The following MOB4 variants were observed in gnomAD, a reference collection of about 807,000 sequenced individuals.
The protein encoded by MOB4 is MOB-like protein phocein.
In MOB4, 4 loss-of-function variants were observed where a neutral mutation model predicts 32.2. The observed-to-expected ratio is 0.12, with a 90% CI of 0.06 to 0.28. The LOEUF (loss-of-function observed/expected upper bound fraction) is 0.28. MOB4 is among the 10% of genes least tolerant of loss of function. The pLI, the probability that MOB4 is intolerant of heterozygous loss-of-function variation, is 1.00. For synonymous variants in MOB4, 88 were observed against 88.1 expected (o/e 1.00, Z 0.01); for missense variants, 158 against 271.2 (o/e 0.58, Z 2.93).
At chr2:197,537,671 C>G (rs890735803) in intron 3 of MOB4, among the ~76,000 whole-genome samples, 1 of 152,144 alleles carries the variant, frequency 6.6e-6, no homozygotes, top group East Asian at 1.9e-4. Flanking sequence ...ATTCAAAGTA[C>G]GAGTCTGTAG....
At chr2:197,531,058 T>A (rs1334338085) in intron 2 of MOB4, among the ~76,000 whole-genome samples, 2 of 151,076 alleles carry the variant, frequency 1.3e-5, no homozygotes, top group South Asian at 2.1e-4. Context: ...TTTTTATTTT[T>A]TTTTTTTGAG....
At chr2:197,516,454 C>G in intron 1 of MOB4, 1 of 1,188,012 alleles carries the variant, frequency 8.4e-7, no homozygotes, top group Non-Finnish European at 1.1e-6. Flanking sequence ...TCGCCTTGCC[C>G]CTGAGCCCCA....
chr2:197,531,071 A>T (rs1281761125), intron 2 of MOB4, among the ~76,000 whole-genome samples: 2 of 147,700 alleles, frequency 1.4e-5, no homozygotes, highest in African/African-American at 2.5e-5. Flanking sequence ...TTTTTGAGGC[A>T]GAGTCTCGCT....
At chr2:197,517,213 C>T (rs1291124583) in intron 1 of MOB4, among the ~76,000 whole-genome samples, 1 of 152,140 alleles carries the variant, frequency 6.6e-6, no homozygotes, top group Non-Finnish European at 1.5e-5. Context: ...GTGGATTTGC[C>T]CAAGGATACA....
chr2:197,551,035 G>A lies in MOB4; in HGVS notation c.*389G>A, dbSNP rs960312227. 1 of 152,866 alleles carries A rather than the reference G, an allele frequency of 6.5e-6. No homozygotes were observed. The highest frequency in any genetic ancestry group is 2.4e-5 in the African/African-American group (1 of 41,410). The allele number at this position is 152,866 out of a possible 1,614,324, so 9.5% of individuals were successfully genotyped here. A position where few individuals can be genotyped will look rare whatever the true frequency, so the allele number is the denominator to read the frequency against. ...TAAAGAGGTAGAAATGTTTTCTATTGGTTTTACCTTGAGTTTAGATATCCT... is the reference window on the plus strand; with the variant it reads ...TAAAGAGGTAGAAATGTTTTCTATTAGTTTTACCTTGAGTTTAGATATCCT... On this transcript the variant is annotated 3_prime_UTR_variant, in exon 8 of 8. Coordinates refer to ENST00000323303, the MANE Select transcript of MOB4 (RefSeq NM_015387.5).
At chr2:197,520,283 C>T (rs1205763835) in intron 1 of MOB4, among the ~76,000 whole-genome samples, 4 of 151,112 alleles carry the variant, frequency 2.6e-5, no homozygotes, top group African/African-American at 4.9e-5. Context: ...CCTGGGTTTG[C>T]GCCCACCACC....
intron 6 of MOB4, among the ~76,000 whole-genome samples, chr2:197,549,706 C>T (rs940639061): frequency 6.6e-6 from 1 of 151,918 alleles, no homozygotes; most frequent in East Asian, 1.9e-4. Context: ...CCTGCCACCA[C>T]GCCTGGCTGA....
chr2:197,519,423 A>C (rs1447022009), intron 1 of MOB4, among the ~76,000 whole-genome samples: 5 of 152,206 alleles, frequency 3.3e-5, no homozygotes, highest in African/African-American at 9.6e-5. Flanking sequence ...GAGGATGCTT[A>C]AGTTTCTTAA....
intron 2 of MOB4, among the ~76,000 whole-genome samples, chr2:197,530,033 G>A (rs566393255): frequency 2.7e-4 from 38 of 141,302 alleles, no homozygotes; most frequent in East Asian, 2.2e-4. Context: ...GCAGTGGCGC[G>A]ATCTCGCCTC....
intron 6 of MOB4, 81 bp from the exon 7 acceptor site, chr2:197,550,194 C>CT: frequency 7.5e-7 from 1 of 1,331,674 alleles, no homozygotes; most frequent in Non-Finnish European, 1.0e-6. Context: ...AGTTTCTACA[C>CT]TTGTAAGCGA....
At chr2:197,524,299 G>A (rs1373674507) in intron 2 of MOB4, among the ~76,000 whole-genome samples, 1 of 152,044 alleles carries the variant, frequency 6.6e-6, no homozygotes, top group Non-Finnish European at 1.5e-5. Flanking sequence ...TTGGGAAGCC[G>A]AGGCAGGTGG....
intron 3 of MOB4, among the ~76,000 whole-genome samples, chr2:197,536,040 A>G (rs1296891857): frequency 6.6e-6 from 1 of 151,292 alleles, no homozygotes; most frequent in African/African-American, 2.4e-5. Flanking sequence ...CTGGGACTAC[A>G]GGTGTGTGCC....
chr2:197,540,003 A>G, intron 3 of MOB4, 108 bp from the exon 4 acceptor site: 1 of 1,191,614 alleles, frequency 8.4e-7, no homozygotes, highest in East Asian at 2.6e-5. Context: ...GAGAATGGTA[A>G]TGAGGGAGGA....
At position 197,530,705 on chromosome 2, in the gene MOB4, A is replaced by G. The variant is rs1419660631; in HGVS notation, c.124-4825A>G. On this transcript the variant is annotated intron_variant, in intron 2 of 7. Transcript: ENST00000323303. ...ACAGTGGACTTCTTAGGCTCAAGCA[A>G]TCCTTCCAACTCAGCCTCTCAAGTA... 4.6e-5 allele frequency among the ~76,000 whole-genome samples: 7 copies of G among 151,972 alleles called. No individual in the cohort carries two copies. In the South Asian group the frequency reaches 1.0e-3, roughly 22 times the overall value.
chr2:197,540,900 T>A (rs976100323), intron 5 of MOB4, among the ~76,000 whole-genome samples: 3 of 151,962 alleles, frequency 2.0e-5, no homozygotes, highest in Non-Finnish European at 4.4e-5. Flanking sequence ...CAGTTTTTTG[T>A]TTTGCTCTTT....
intron 2 of MOB4, among the ~76,000 whole-genome samples, chr2:197,533,570 C>T (rs969678374): frequency 1.3e-5 from 2 of 151,688 alleles, no homozygotes; most frequent in Admixed American, 6.6e-5. Flanking sequence ...ACAAAAAATA[C>T]AAAAATTAGC....
chr2:197,527,757 T>G (rs977013516), intron 2 of MOB4, among the ~76,000 whole-genome samples: 5 of 152,254 alleles, frequency 3.3e-5, no homozygotes, highest in African/African-American at 1.2e-4. Context: ...AGTCTGAGGT[T>G]AGCTGTGAGC....
At chr2:197,530,332 A>G (rs2086678706) in intron 2 of MOB4, among the ~76,000 whole-genome samples, 1 of 151,200 alleles carries the variant, frequency 6.6e-6, no homozygotes, top group Admixed American at 6.6e-5. Flanking sequence ...CAGTGGTACA[A>G]TCATAGCTTA....
At chr2:197,518,290 A>G (rs1030463756) in intron 1 of MOB4, among the ~76,000 whole-genome samples, 10 of 151,076 alleles carry the variant, frequency 6.6e-5, no homozygotes, top group Non-Finnish European at 1.2e-4. Flanking sequence ...TTCTTGAGAC[A>G]GAGTTTCTCT....
Sources: allele counts gnomAD v4.1 joint callset (sites outside exome capture counted in the v4.1 genomes callset), GRCh38; gene constraint gnomAD v4.1.1; transcripts MANE v1.5; gene names NCBI Gene and HGNC (gene_info 2026-07-23, HGNC 2026-07-21).